CPQ: variants seen among roughly 807,000 people sequenced by gnomAD.
CPQ encodes the protein carboxypeptidase Q.
CPQ carries 37 observed loss-of-function variants against 45.7 expected under a neutral mutation model. That is an observed-to-expected ratio of 0.81 (90% CI 0.62 to 1.07). The LOEUF (loss-of-function observed/expected upper bound fraction) is 1.07, where lower values mean the gene tolerates loss of function less well. Among genes scored for constraint, CPQ ranks in the 50% least tolerant of loss-of-function variants. CPQ has a pLI of 0.00. For missense variants in CPQ, 537 were observed against 572.9 expected, an observed-to-expected ratio of 0.94 and a Z score of 0.64; for synonymous variants, 186 against 205.8, an observed-to-expected ratio of 0.90 and a Z score of 0.82.
At chr8:96,689,823 A>G (rs1809281126) in intron 1 of CPQ, among the ~76,000 whole-genome samples, 1 of 151,904 alleles carries the variant, frequency 6.6e-6, no homozygotes, top group Non-Finnish European at 1.5e-5. Context: ...CATTTTCTGT[A>G]TATATCCTTT....
chr8:96,833,717 A>T (rs1811489327), intron 2 of CPQ, among the ~76,000 whole-genome samples: 1 of 152,178 alleles, frequency 6.6e-6, no homozygotes, highest in Non-Finnish European at 1.5e-5. Context: ...CTATAAATTG[A>T]GTTCTCAGTG....
chr8:96,829,202 T>C (rs966173763), intron 2 of CPQ, among the ~76,000 whole-genome samples: 1 of 152,102 alleles, frequency 6.6e-6, no homozygotes, highest in Admixed American at 6.6e-5. Context: ...CAGCTGGCTC[T>C]CTAGAGATAA....
At chr8:96,892,963 T>A (rs894211250) in intron 4 of CPQ, among the ~76,000 whole-genome samples, 1 of 152,202 alleles carries the variant, frequency 6.6e-6, no homozygotes, top group Non-Finnish European at 1.5e-5. Flanking sequence ...ATTTATAGAA[T>A]ACTTAGTACA....
At position 97,078,763 on chromosome 8, in the gene CPQ, T is replaced by TTCTCTCTCTCTCTCTCTCTC. The variant is rs749278181; in HGVS notation, c.1255+12578_1255+12597dup. Reference sequence around the variant, plus strand: ...ACTCTAAATATGATATCATTTCCATTTCTCTCTCTCTCTCTCTCTCTCTCT... The same window carrying TTCTCTCTCTCTCTCTCTCTC: ...ACTCTAAATATGATATCATTTCCATTTCTCTCTCTCTCTCTCTCTCTCTCTCTCTCTCTCTCTCTCTCTCT... On this transcript the variant is annotated intron_variant, in intron 7 of 7. Transcript: ENST00000220763. Among the ~76,000 whole-genome samples the TTCTCTCTCTCTCTCTCTCTC allele has an allele frequency of 2.9e-4, 29 of 100,358 alleles. No individual in the cohort carries two copies. The South Asian group carries it at 3.3e-3, about 12-fold the overall frequency. The allele number at this position is 100,358 out of a possible 152,430, so 65.8% of individuals were successfully genotyped here.
At chr8:96,813,420 C>T (rs1455470337) in intron 2 of CPQ, among the ~76,000 whole-genome samples, 1 of 152,106 alleles carries the variant, frequency 6.6e-6, no homozygotes, top group African/African-American at 2.4e-5. Context: ...ACAGTGCTTG[C>T]CTAGTGACTG....
chr8:96,747,388 C>A (rs893602534), intron 1 of CPQ, among the ~76,000 whole-genome samples: 1 of 151,834 alleles, frequency 6.6e-6, no homozygotes, highest in Non-Finnish European at 1.5e-5. Context: ...TGAATCCCTA[C>A]TAGAATGTGA....
chr8:96,836,747 A>C (rs933479220), intron 3 of CPQ, among the ~76,000 whole-genome samples: 5 of 151,776 alleles, frequency 3.3e-5, no homozygotes, highest in Non-Finnish European at 7.4e-5. Context: ...AGACTAATAA[A>C]TTCCCAAATG....
chr8:96,960,266 G>T (rs1232199139), intron 4 of CPQ, among the ~76,000 whole-genome samples: 1 of 152,056 alleles, frequency 6.6e-6, no homozygotes, highest in African/African-American at 2.4e-5. Context: ...TTGATCTCTA[G>T]TTAGTTTATA....
chr8:97,096,388 G>A (rs1811210898), intron 7 of CPQ, among the ~76,000 whole-genome samples: 1 of 152,156 alleles, frequency 6.6e-6, no homozygotes, highest in Non-Finnish European at 1.5e-5. Flanking sequence ...TCTACTTTAT[G>A]TTGGATTGAA....
chr8:96,962,123 C>T (rs1330510021), intron 4 of CPQ, among the ~76,000 whole-genome samples: 3 of 152,140 alleles, frequency 2.0e-5, no homozygotes, highest in East Asian at 1.9e-4. Context: ...CATTTCTGTT[C>T]GACTGCGGTG....
intron 1 of CPQ, among the ~76,000 whole-genome samples, chr8:96,698,241 T>A (rs945723690): frequency 5.3e-5 from 8 of 151,984 alleles, no homozygotes; most frequent in African/African-American, 1.9e-4. Context: ...AGAACATATA[T>A]TGGGGAAAGA....
chr8:96,958,237 A>G (rs767120008), intron 4 of CPQ, among the ~76,000 whole-genome samples: 1 of 152,168 alleles, frequency 6.6e-6, no homozygotes, highest in Non-Finnish European at 1.5e-5. Context: ...TTAGCTGTGC[A>G]CTGTACCATG....
intron 3 of CPQ, among the ~76,000 whole-genome samples, chr8:96,858,750 A>G (rs1202192813): frequency 6.6e-6 from 1 of 152,226 alleles, no homozygotes; most frequent in Admixed American, 6.5e-5. Flanking sequence ...TTTAAAAAAT[A>G]CACAAAGATT....
At chr8:96,670,685 C>T (rs1015066366) in intron 1 of CPQ, among the ~76,000 whole-genome samples, 1 of 152,046 alleles carries the variant, frequency 6.6e-6, no homozygotes, top group African/African-American at 2.4e-5. Flanking sequence ...CTATGGAATA[C>T]TACTCAGCAA....
At chr8:96,709,865 C>T (rs192881135) in intron 1 of CPQ, among the ~76,000 whole-genome samples, 191 of 152,014 alleles carry the variant, frequency 1.3e-3, no homozygotes, top group Non-Finnish European at 1.1e-3. Context: ...TGTTCTTTCC[C>T]GGTTTGGGTA....
intron 2 of CPQ, among the ~76,000 whole-genome samples, chr8:96,811,515 AAAAT>A (rs1466338473): frequency 6.6e-6 from 1 of 152,198 alleles, no homozygotes; most frequent in Non-Finnish European, 1.5e-5. Flanking sequence ...AAACAGGACT[AAAAT>A]AAATGAATAT....
chr8:96,883,904 G>T (rs953177443), intron 4 of CPQ, among the ~76,000 whole-genome samples: 5 of 152,136 alleles, frequency 3.3e-5, no homozygotes, highest in Admixed American at 2.0e-4. Context: ...CAGGAACTTG[G>T]CATGCAGTGG....
intron 4 of CPQ, among the ~76,000 whole-genome samples, chr8:96,947,101 T>C (rs1429663512): frequency 1.3e-5 from 2 of 152,148 alleles, no homozygotes; most frequent in Non-Finnish European, 2.9e-5. Flanking sequence ...GTTTGATAAA[T>C]TCTTGGTGAA....
At chr8:96,914,982 A>G (rs1467755745) in intron 4 of CPQ, among the ~76,000 whole-genome samples, 3 of 152,178 alleles carry the variant, frequency 2.0e-5, no homozygotes, top group Admixed American at 6.6e-5. Context: ...TGATGGAATA[A>G]TCAGAGGGAA....
Sources: allele counts gnomAD v4.1 joint callset (sites outside exome capture counted in the v4.1 genomes callset), GRCh38; gene constraint gnomAD v4.1.1; transcripts MANE v1.5; gene names NCBI Gene and HGNC (gene_info 2026-07-23, HGNC 2026-07-21).